Variants in CPQ observed in about 807,000 individuals in gnomAD.
CPQ encodes the protein carboxypeptidase Q.
A neutral mutation model predicts 45.7 loss-of-function variants in CPQ; 37 were observed. The ratio of observed to expected loss-of-function variants is 0.81; its 90% CI spans 0.62 to 1.07. The LOEUF (loss-of-function observed/expected upper bound fraction) is 1.07, where lower values mean the gene tolerates loss of function less well. CPQ is among the 50% of genes least tolerant of loss of function. The pLI is 0.00. For synonymous variants in CPQ, 186 were observed against 205.8 expected (o/e 0.90, Z 0.82); for missense variants, 537 against 572.9 (o/e 0.94, Z 0.64).
intron 1 of CPQ, among the ~76,000 whole-genome samples, chr8:96,712,406 C>T (rs1446229273): frequency 2.0e-5 from 3 of 152,202 alleles, no homozygotes; most frequent in Non-Finnish European, 4.4e-5. Context: ...TTCCCTTCCA[C>T]ATCACCCTAG....
At chr8:97,084,632 T>A (rs1004507201) in intron 7 of CPQ, among the ~76,000 whole-genome samples, 3 of 152,230 alleles carry the variant, frequency 2.0e-5, no homozygotes, top group Non-Finnish European at 4.4e-5. Flanking sequence ...GTGCCATTCA[T>A]AGAATGGCAT....
At chr8:96,836,948 T>G (rs1314649957) in intron 3 of CPQ, among the ~76,000 whole-genome samples, 1 of 152,164 alleles carries the variant, frequency 6.6e-6, no homozygotes, top group African/African-American at 2.4e-5. Context: ...CAATCCATAT[T>G]TCACTGGACT....
At chr8:96,880,252 G>A (rs898322489) in intron 4 of CPQ, among the ~76,000 whole-genome samples, 1 of 152,024 alleles carries the variant, frequency 6.6e-6, no homozygotes, top group African/African-American at 2.4e-5. Flanking sequence ...GGAGAAAAAG[G>A]AACACTTATA....
chr8:96,665,450 T>G (rs531126175), intron 1 of CPQ, among the ~76,000 whole-genome samples: 6 of 152,258 alleles, frequency 3.9e-5, no homozygotes, highest in Middle Eastern at 3.4e-3. Flanking sequence ...GAATGGGTGA[T>G]TTTACACTCT....
Position 96,862,284 on chromosome 8 carries a change from TTGTG to T in CPQ, c.642-17480_642-17477del, listed in dbSNP as rs34611818. 3.6e-3 allele frequency among the ~76,000 whole-genome samples: 513 copies of T among 141,008 alleles called. 1 individual carries two copies. The highest frequency in any genetic ancestry group is 0.011 in the East Asian group (50 of 4,740). 92.5% of individuals were successfully genotyped at this position (141,008 alleles called of 152,430 possible). A position where few individuals can be genotyped will look rare whatever the true frequency, so the allele number is the denominator to read the frequency against. Reference sequence around the variant, plus strand: ...GGGACAATAATATTGATTTTTGCATTTGTGTGTGTGTGTGTGTGTGTGTGTGTGT... The same window carrying T: ...GGGACAATAATATTGATTTTTGCATTTGTGTGTGTGTGTGTGTGTGTGTGT... On this transcript the variant is annotated intron_variant, in intron 3 of 7. Transcript: ENST00000220763.
chr8:96,880,098 C>G, intron 4 of CPQ, 93 bp downstream of exon 4: 1 of 1,018,150 alleles, frequency 9.8e-7, no homozygotes, highest in Non-Finnish European at 1.5e-6. Context: ...CGTGAAACCA[C>G]CTAGATGGTC....
intron 2 of CPQ, among the ~76,000 whole-genome samples, chr8:96,809,593 G>C (rs1811132620): frequency 6.6e-6 from 1 of 152,134 alleles, no homozygotes; most frequent in African/African-American, 2.4e-5. Flanking sequence ...GGTCAGGGGA[G>C]AGATTGGCTG....
chr8:96,677,076 G>A (rs186998582), intron 1 of CPQ, among the ~76,000 whole-genome samples: 55 of 152,158 alleles, frequency 3.6e-4, no homozygotes, highest in African/African-American at 1.3e-3. Context: ...CTTGTTGTTT[G>A]ATGGGCACTT....
At chr8:97,023,039 A>G (rs1029465118) in intron 5 of CPQ, among the ~76,000 whole-genome samples, 11 of 143,134 alleles carry the variant, frequency 7.7e-5, no homozygotes, top group Non-Finnish European at 1.5e-4. Context: ...CAGTATATAT[A>G]CAGTATATAT....
chr8:96,784,185 ATTAT>A (rs911905311), intron 1 of CPQ, among the ~76,000 whole-genome samples: 18 of 152,128 alleles, frequency 1.2e-4, no homozygotes, highest in African/African-American at 4.1e-4. Flanking sequence ...TATTGTTATT[ATTAT>A]TTATTATGTA....
intron 3 of CPQ, among the ~76,000 whole-genome samples, chr8:96,854,476 A>T (rs964143702): frequency 3.1e-5 from 4 of 128,356 alleles, no homozygotes; most frequent in Non-Finnish European, 6.3e-5. Flanking sequence ...GCTTGCAGTG[A>T]GCCGAGATTG....
chr8:96,947,219 A>G (rs1345598722), intron 4 of CPQ, among the ~76,000 whole-genome samples: 1 of 152,182 alleles, frequency 6.6e-6, no homozygotes, highest in African/African-American at 2.4e-5. Flanking sequence ...GACTAAGAAC[A>G]TGTATATATG....
intron 6 of CPQ, among the ~76,000 whole-genome samples, chr8:97,050,157 C>T (rs932379939): frequency 1.3e-5 from 2 of 152,032 alleles, no homozygotes; most frequent in African/African-American, 2.4e-5. Context: ...GAAGATTTGG[C>T]GATTTCTATT....
chr8:96,738,807 T>C (rs1810034260), intron 1 of CPQ, among the ~76,000 whole-genome samples: 1 of 152,268 alleles, frequency 6.6e-6, no homozygotes, highest in South Asian at 2.1e-4. Context: ...TTTTTATGGC[T>C]GCATAGTATT....
intron 4 of CPQ, among the ~76,000 whole-genome samples, chr8:96,935,966 A>G (rs1198413868): frequency 2.0e-5 from 3 of 151,756 alleles, no homozygotes; most frequent in African/African-American, 7.3e-5. Context: ...TTAACCATGT[A>G]TTGCTTATCT....
chr8:96,951,258 C>T (rs1389496043), intron 4 of CPQ, among the ~76,000 whole-genome samples: 1 of 152,082 alleles, frequency 6.6e-6, no homozygotes, highest in Admixed American at 6.6e-5. Context: ...TTTTAGTCCC[C>T]AGCTTAAGCT....
At position 96,925,878 on chromosome 8, in the gene CPQ, T is replaced by C. The variant is rs193002609; in HGVS notation, c.850-40057T>C. On this transcript the variant is annotated intron_variant, in intron 4 of 7. Coordinates refer to ENST00000220763, the MANE Select transcript of CPQ (RefSeq NM_016134.4). ...CTAATTTTTTGTATTTTAGTAGAGATGGGGTTTCAACATGTTAGCCAGGAT... is the reference window on the plus strand; with the variant it reads ...CTAATTTTTTGTATTTTAGTAGAGACGGGGTTTCAACATGTTAGCCAGGAT... Among the ~76,000 whole-genome samples, 484 of 145,214 alleles carry C rather than the reference T, an allele frequency of 3.3e-3. 4 individuals carry two copies. The highest frequency in any genetic ancestry group is 4.6e-3 in the Non-Finnish European group (305 of 66,640).
At position 96,757,212 on chromosome 8, in the gene CPQ, G is replaced by A. The variant is rs552778063; in HGVS notation, c.-34-27652G>A. On this transcript the variant is annotated intron_variant, in intron 1 of 7. Transcript: ENST00000220763. Reference sequence around the variant, plus strand: ...GAAATACAAAAATACTTAGCTGGGCGTCGTGGCGCATGCCTCTAATCCAAG... The same window carrying A: ...GAAATACAAAAATACTTAGCTGGGCATCGTGGCGCATGCCTCTAATCCAAG... 9.9e-5 allele frequency among the ~76,000 whole-genome samples: 15 copies of A among 152,012 alleles called. No individual in the cohort carries two copies. In the East Asian group the frequency reaches 1.9e-3, roughly 20 times the overall value.
chr8:96,807,056 C>G (rs1254437917), intron 2 of CPQ, among the ~76,000 whole-genome samples: 1 of 152,044 alleles, frequency 6.6e-6, no homozygotes, highest in Non-Finnish European at 1.5e-5. Flanking sequence ...TTTATATTCT[C>G]TATTTGTTAT....
Sources: gnomAD v4.1 joint callset for allele counts (sites outside exome capture counted in the v4.1 genomes callset) on GRCh38, gnomAD v4.1.1 for gene constraint, MANE v1.5 for transcripts, NCBI Gene and HGNC (gene_info 2026-07-23, HGNC 2026-07-21) for gene names.